The following DOCK7 variants were observed in gnomAD, a reference collection of about 807,000 sequenced individuals.
DOCK7 encodes dedicator of cytokinesis 7, also known as dedicator of cytokinesis protein 7.
Under a neutral mutation model 271.0 loss-of-function variants are expected in DOCK7, and 138 were observed. The observed-to-expected ratio is 0.51, with a 90% CI of 0.44 to 0.59. The LOEUF (loss-of-function observed/expected upper bound fraction) is 0.59, where lower values mean the gene tolerates loss of function less well. Among genes scored for constraint, DOCK7 ranks in the 20% least tolerant of loss-of-function variants. DOCK7 has a pLI of 0.00. For synonymous variants in DOCK7, 823 were observed against 876.1 expected (o/e 0.94, Z 1.07); for missense variants, 2,066 against 2,592.4 (o/e 0.80, Z 4.41).
At chr1:62,503,512 A>G (rs1054210542) in intron 37 of DOCK7, among the ~76,000 whole-genome samples, 2 of 151,518 alleles carry the variant, frequency 1.3e-5, no homozygotes, top group Non-Finnish European at 2.9e-5. Flanking sequence ...TTCATAGCTC[A>G]CTGCGACCTC....
chr1:62,502,731 C>G (rs935232317), intron 37 of DOCK7, among the ~76,000 whole-genome samples: 1 of 151,680 alleles, frequency 6.6e-6, no homozygotes, highest in Non-Finnish European at 1.5e-5. Context: ...GTAAACAGAC[C>G]ATATAGTGTA....
At chr1:62,503,441 AT>A (rs34323888) in intron 37 of DOCK7, among the ~76,000 whole-genome samples, 2,834 of 144,270 alleles carry the variant, frequency 0.02, 69 homozygotes, top group African/African-American at 0.062. Flanking sequence ...AACATAAACA[AT>A]TTTTTTTTTT....
intron 43 of DOCK7, chr1:62,483,355 A>G: frequency 6.6e-6 from 1 of 151,342 alleles, no homozygotes; most frequent in Admixed American, 6.6e-5. Flanking sequence ...TTTCTTCTCA[A>G]AAGTAGCATA....
At chr1:62,615,847 G>C (rs528865123) in intron 14 of DOCK7, among the ~76,000 whole-genome samples, 2 of 151,636 alleles carry the variant, frequency 1.3e-5, no homozygotes, top group Non-Finnish European at 3.0e-5. Flanking sequence ...TACGTTAAAT[G>C]ATCTCTCAAC....
At chr1:62,557,313 CTT>C (rs139472498) in intron 20 of DOCK7, among the ~76,000 whole-genome samples, 5,548 of 151,804 alleles carry the variant, frequency 0.037, 249 homozygotes, top group African/African-American at 0.11. Context: ...CACCTTTACT[CTT>C]GTCTCCCAGA....
chr1:62,513,265 G>C (rs1447118875), intron 33 of DOCK7, among the ~76,000 whole-genome samples, 179 bp downstream of exon 33: 1 of 83,380 alleles, frequency 1.2e-5, no homozygotes, highest in African/African-American at 3.9e-5. Context: ...GGGGGGGGGG[G>C]GCGGTATGCT....
chr1:62,533,464 T>C (rs996140375), intron 29 of DOCK7, among the ~76,000 whole-genome samples: 1 of 151,748 alleles, frequency 6.6e-6, no homozygotes, highest in African/African-American at 2.4e-5. Flanking sequence ...ATCACAGTCA[T>C]TTGTCAAATG....
intron 29 of DOCK7, among the ~76,000 whole-genome samples, chr1:62,533,357 T>C (rs1486546184): frequency 1.3e-5 from 2 of 152,150 alleles, no homozygotes; most frequent in Non-Finnish European, 2.9e-5. Context: ...GAGTGAGCTA[T>C]ACCAGTTATT....
chr1:62,613,142 A>T (rs1652005119), intron 14 of DOCK7, among the ~76,000 whole-genome samples: 1 of 152,190 alleles, frequency 6.6e-6, no homozygotes, highest in Non-Finnish European at 1.5e-5. Flanking sequence ...GATTTTTTTC[A>T]CCATTGAGAA....
intron 2 of DOCK7, among the ~76,000 whole-genome samples, chr1:62,660,975 T>C (rs1355710996): frequency 6.6e-6 from 1 of 151,998 alleles, no homozygotes; most frequent in African/African-American, 2.4e-5. Flanking sequence ...GGCATGCGCA[T>C]GTAGTCCCAA....
chr1:62,580,822 C>T (rs986246311), intron 16 of DOCK7, among the ~76,000 whole-genome samples: 3 of 152,080 alleles, frequency 2.0e-5, no homozygotes, highest in Non-Finnish European at 2.9e-5. Flanking sequence ...GTATAGCCTG[C>T]AAACTAAGAA....
intron 31 of DOCK7, among the ~76,000 whole-genome samples, chr1:62,515,957 G>T (rs1644650737): frequency 6.6e-6 from 1 of 152,150 alleles, no homozygotes; most frequent in Admixed American, 6.5e-5. Flanking sequence ...TGACAGAGCT[G>T]GCACTGTGGA....
chr1:62,652,768 C>A (rs1657543806), intron 4 of DOCK7, among the ~76,000 whole-genome samples: 1 of 152,132 alleles, frequency 6.6e-6, no homozygotes. Flanking sequence ...GACTGAGAAA[C>A]AGTATTCTTC....
At chr1:62,566,179 C>A (rs1461654653) in intron 18 of DOCK7, among the ~76,000 whole-genome samples, 1 of 152,146 alleles carries the variant, frequency 6.6e-6, no homozygotes, top group Non-Finnish European at 1.5e-5. Context: ...CATTGACTTT[C>A]TTCAGAGAAC....
rs188318882 is a variant in DOCK7 at position 62,586,031 on chromosome 1, C to T, written c.1800+476G>A. Among the ~76,000 whole-genome samples the T allele has an allele frequency of 5.9e-5, 9 of 152,198 alleles. No individual in the cohort carries two copies. The East Asian group carries it at 1.7e-3, about 29-fold the overall frequency. ...AGTTTGTCAACCAAGGTAGGAAAAG[C>T]CATACATATTAAAATCACCCACGGA... On this transcript the variant is annotated intron_variant, in intron 15 of 49. Coordinates refer to ENST00000635253, the MANE Select transcript of DOCK7 (RefSeq NM_001367561.1).
intron 48 of DOCK7, among the ~76,000 whole-genome samples, chr1:62,461,168 G>A (rs1645513360): frequency 6.6e-6 from 1 of 152,090 alleles, no homozygotes. Flanking sequence ...AACATACTTA[G>A]TGGTGAAAAC....
chr1:62,586,643 A>G lies in DOCK7; in HGVS notation c.1683-19T>C, dbSNP rs754533583. ...AAGATTTCTGTGAAAGCAACAGTAT[A>G]GATGATAGTAAATACATATCTAAGA... is the stretch of plus-strand genomic sequence containing the variant. On this transcript the variant is annotated intron_variant, in intron 14 of 49. Coordinates refer to ENST00000635253, the MANE Select transcript of DOCK7 (RefSeq NM_001367561.1). The G allele has an allele frequency of 2.1e-6, 3 of 1,452,766 alleles. No individual in the cohort carries two copies. Among genetic ancestry groups the G allele is most frequent in the Non-Finnish European group, 2.9e-6 (3 of 1,042,860 alleles). The allele number at this position is 1,452,766 out of a possible 1,614,324, so 90.0% of individuals were successfully genotyped here.
At chr1:62,516,632 C>G (rs1440195127) in intron 31 of DOCK7, among the ~76,000 whole-genome samples, 3 of 152,156 alleles carry the variant, frequency 2.0e-5, no homozygotes, top group Admixed American at 2.0e-4. Flanking sequence ...ATTATAACAA[C>G]CAGAGCTTCA....
chr1:62,537,112 C>T (rs1258544381), intron 28 of DOCK7, among the ~76,000 whole-genome samples: 1 of 152,110 alleles, frequency 6.6e-6, no homozygotes, highest in African/African-American at 2.4e-5. Flanking sequence ...TATGCTTCAT[C>T]CCCCACTTCC....
Sources: gnomAD v4.1 joint callset for allele counts (sites outside exome capture counted in the v4.1 genomes callset) on GRCh38, gnomAD v4.1.1 for gene constraint, MANE v1.5 for transcripts, NCBI Gene and HGNC (gene_info 2026-07-23, HGNC 2026-07-21) for gene names.